SIL1: variants seen among roughly 807,000 people sequenced by gnomAD.
SIL1 encodes nucleotide exchange factor SIL1.
A neutral mutation model predicts 49.1 loss-of-function variants in SIL1; 40 were observed. The ratio of observed to expected loss-of-function variants is 0.81; its 90% CI spans 0.63 to 1.06. The LOEUF (loss-of-function observed/expected upper bound fraction) is 1.06. Ranked by LOEUF, SIL1 falls within the 50% of genes least tolerant of loss-of-function variation. The probability of loss-of-function intolerance (pLI) is 0.00; values close to 1 mark genes in which losing one functional copy is unlikely to be tolerated. For missense variants in SIL1, 500 were observed against 572.6 expected (o/e 0.87, Z 1.29); for synonymous variants, 253 against 250.8 (o/e 1.01, Z -0.08).
At chr5:138,967,237 C>A (rs1463835964) in intron 7 of SIL1, among the ~76,000 whole-genome samples, 1 of 152,188 alleles carries the variant, frequency 6.6e-6, no homozygotes, top group Admixed American at 6.5e-5. Flanking sequence ...GCAGCACCAG[C>A]AGTATCTGGG....
At chr5:139,064,471 G>C (rs1014692899) in intron 3 of SIL1, among the ~76,000 whole-genome samples, 2 of 152,200 alleles carry the variant, frequency 1.3e-5, no homozygotes, top group African/African-American at 4.8e-5. Flanking sequence ...CTGGTCCTAA[G>C]TCCTTGTCCA....
rs576033695 is a variant in SIL1 at position 139,074,374 on chromosome 5, A to T, written c.245-23328T>A. Reference sequence around the variant, plus strand: ...GGCTGGTCTATTTATACTTTAAAACATCATGTTGTACATGGAAAATACATA... The same window carrying T: ...GGCTGGTCTATTTATACTTTAAAACTTCATGTTGTACATGGAAAATACATA... On this transcript the variant is annotated intron_variant, in intron 3 of 9. Transcript: ENST00000394817. Among the ~76,000 whole-genome samples the T allele has an allele frequency of 2.7e-3, 407 of 152,350 alleles. 2 individuals carry two copies. The highest frequency in any genetic ancestry group is 4.9e-3 in the Non-Finnish European group (333 of 68,038).
chr5:139,056,087 C>T (rs1173687650), intron 3 of SIL1, among the ~76,000 whole-genome samples: 26 of 151,520 alleles, frequency 1.7e-4, no homozygotes, highest in Non-Finnish European at 2.8e-4. Flanking sequence ...TCTGCCCGGC[C>T]GCCACCCCGT....
At chr5:139,126,144 G>A (rs773024976) in intron 2 of SIL1, among the ~76,000 whole-genome samples, 1 of 152,220 alleles carries the variant, frequency 6.6e-6, no homozygotes, top group Admixed American at 6.5e-5. Context: ...TTTATGGTAT[G>A]AGAGAAAAGA....
intron 7 of SIL1, among the ~76,000 whole-genome samples, chr5:138,960,735 G>A (rs1007137698): frequency 4.6e-5 from 7 of 152,188 alleles, no homozygotes; most frequent in African/African-American, 1.7e-4. Flanking sequence ...GATTACAGGC[G>A]TGAGCCACGG....
chr5:139,101,874 A>G (rs756206441), intron 3 of SIL1, among the ~76,000 whole-genome samples: 1 of 152,226 alleles, frequency 6.6e-6, no homozygotes, highest in Non-Finnish European at 1.5e-5. Context: ...TATTTCCTGG[A>G]CAAAGAAGAA....
chr5:139,030,222 T>C (rs1206236881), intron 5 of SIL1, among the ~76,000 whole-genome samples: 1 of 152,036 alleles, frequency 6.6e-6, no homozygotes, highest in Non-Finnish European at 1.5e-5. Flanking sequence ...CTCAGCACTT[T>C]GGAAGGTCAA....
chr5:139,108,902 A>T (rs1230409259), intron 3 of SIL1, among the ~76,000 whole-genome samples: 1 of 125,710 alleles, frequency 8.0e-6, no homozygotes, highest in Non-Finnish European at 1.7e-5. Context: ...GAAAACAAGG[A>T]AAAGAAAAAA....
chr5:138,957,362 G>A (rs1430663472), intron 7 of SIL1, among the ~76,000 whole-genome samples: 1 of 150,974 alleles, frequency 6.6e-6, no homozygotes, highest in Non-Finnish European at 1.5e-5. Context: ...CTTGAGTCCA[G>A]GAGTTTGAAA....
intron 7 of SIL1, among the ~76,000 whole-genome samples, chr5:138,996,777 C>CA (rs1419640082): frequency 6.6e-6 from 1 of 152,046 alleles, no homozygotes; most frequent in Non-Finnish European, 1.5e-5. Flanking sequence ...CTCGACCTCC[C>CA]AAAGTGCTGG....
At chr5:139,012,240 A>C (rs1768292133) in intron 7 of SIL1, 1 of 152,220 alleles carries the variant, frequency 6.6e-6, no homozygotes, top group Non-Finnish European at 1.5e-5. Context: ...TTCTTTGTAG[A>C]GACGGGGTCT....
chr5:139,136,692 T>C (rs1581126653), intron 1 of SIL1, among the ~76,000 whole-genome samples: 1 of 152,166 alleles, frequency 6.6e-6, no homozygotes, highest in African/African-American at 2.4e-5. Flanking sequence ...GATGAAGACA[T>C]AGAGGCACAA....
intron 7 of SIL1, among the ~76,000 whole-genome samples, chr5:138,962,871 G>A (rs1192822309): frequency 6.6e-6 from 1 of 152,204 alleles, no homozygotes; most frequent in African/African-American, 2.4e-5. Context: ...ACTGGCTAAA[G>A]GGAGACCACA....
At chr5:139,127,693 C>T in intron 2 of SIL1, 46 bp downstream of exon 2, 1 of 1,495,882 alleles carries the variant, frequency 6.7e-7, no homozygotes, top group Non-Finnish European at 9.2e-7. Flanking sequence ...GAGGCCTTCT[C>T]AAGACCTCAT....
chr5:138,953,221 G>C (rs1561802638), intron 7 of SIL1: 1 of 152,276 alleles, frequency 6.6e-6, no homozygotes, highest in Non-Finnish European at 1.5e-5. Context: ...CCTGGCCAGG[G>C]GGCCCTCACG....
intron 3 of SIL1, among the ~76,000 whole-genome samples, chr5:139,097,070 G>C (rs13177503): frequency 0.27 from 40,476 of 152,000 alleles, 6,171 homozygotes; most frequent in Middle Eastern, 0.4. Context: ...CCATGGGCCT[G>C]TAGTGGTGGT....
chr5:139,089,644 C>G (rs1439872640), intron 3 of SIL1, among the ~76,000 whole-genome samples: 1 of 152,192 alleles, frequency 6.6e-6, no homozygotes, highest in Non-Finnish European at 1.5e-5. Context: ...AGTATTGATA[C>G]ATGCTACATC....
chr5:139,151,166 T>C (rs570633510), intron 1 of SIL1, among the ~76,000 whole-genome samples: 2 of 152,192 alleles, frequency 1.3e-5, no homozygotes, highest in South Asian at 2.1e-4. Flanking sequence ...TTCCCAACCA[T>C]TGGCCCCCAC....
At chr5:139,034,228 G>A (rs542485457) in intron 5 of SIL1, among the ~76,000 whole-genome samples, 1 of 151,906 alleles carries the variant, frequency 6.6e-6, no homozygotes, top group Non-Finnish European at 1.5e-5. Context: ...CTTGTAGAAA[G>A]CATATTTTTG....
Sources: gnomAD v4.1 joint callset for allele counts (sites outside exome capture counted in the v4.1 genomes callset) on GRCh38, gnomAD v4.1.1 for gene constraint, MANE v1.5 for transcripts, NCBI Gene and HGNC (gene_info 2026-07-23, HGNC 2026-07-21) for gene names.